The following SPAG17 variants were observed in gnomAD, a reference collection of about 807,000 sequenced individuals.
SPAG17 encodes sperm-associated antigen 17.
Under a neutral mutation model 273.6 loss-of-function variants are expected in SPAG17, and 169 were observed. The ratio of observed to expected loss-of-function variants is 0.62; its 90% CI spans 0.55 to 0.70. The LOEUF is 0.70. Among genes scored for constraint, SPAG17 ranks in the 30% least tolerant of loss-of-function variants. The probability of loss-of-function intolerance (pLI) is 0.00; values close to 1 mark genes in which losing one functional copy is unlikely to be tolerated. For synonymous variants in SPAG17, 825 were observed against 873.2 expected (o/e 0.94, Z 0.97); for missense variants, 2,557 against 2,627.8 (o/e 0.97, Z 0.59).
At chr1:118,133,870 C>T (rs1247604584) in intron 3 of SPAG17, among the ~76,000 whole-genome samples, 2 of 152,194 alleles carry the variant, frequency 1.3e-5, no homozygotes, top group Non-Finnish European at 2.9e-5. Context: ...GAGTCCCTCC[C>T]ATTATCTCAA....
rs1648014162 is a variant in SPAG17, at chr1:118,028,359, C to G, written c.3645G>C (p.Glu1215Asp). ...TCTGGAAGGTGGGAACATCCAAAGT[C>G]TCTTGTAAAACAGGTTCTGGTTCTA... ...EEVEPEPVLQ[E>D]TLDVPTFQSL... The change falls in exon 26 of 49, where the codon GAG (glutamate) becomes GAC (aspartate). Residue 1215 changes from glutamate to aspartate, a missense_variant. By Grantham distance (45) the Glu-to-Asp change is conservative. Transcript: ENST00000336338. 2 of 1,613,754 alleles carry G rather than the reference C, an allele frequency of 1.2e-6. No individual in the cohort carries two copies. Among genetic ancestry groups the G allele is most frequent in the Non-Finnish European group, 1.7e-6 (2 of 1,179,824 alleles).
chr1:118,173,542 G>C (rs1660515016), intron 1 of SPAG17, among the ~76,000 whole-genome samples: 1 of 152,112 alleles, frequency 6.6e-6, no homozygotes, highest in African/African-American at 2.4e-5. Flanking sequence ...GCACACTCAT[G>C]GATGCCTGAG....
In SPAG17 at chr1:118,010,550, T is replaced by C. The variant is rs145133274; in HGVS notation, c.4432+1678A>G. Among the ~76,000 whole-genome samples, 545 of 152,192 alleles carry C rather than the reference T, an allele frequency of 3.6e-3. 2 individuals carry two copies. The highest frequency in any genetic ancestry group is 0.013 in the African/African-American group (520 of 41,536). On this transcript the variant is annotated intron_variant, in intron 30 of 48. Transcript: ENST00000336338. ...AACTGCACCCCTTCCTTACACCATA[T>C]AGAATAATTATCTAAAGATGAATTA...
At chr1:118,133,891 A>C (rs1239432385) in intron 3 of SPAG17, among the ~76,000 whole-genome samples, 1 of 152,240 alleles carries the variant, frequency 6.6e-6, no homozygotes, top group African/African-American at 2.4e-5. Flanking sequence ...GGAGTCTGAA[A>C]ACAAAATTAC....
intron 7 of SPAG17, among the ~76,000 whole-genome samples, chr1:118,095,856 CT>C (rs947147565): frequency 6.6e-6 from 1 of 152,030 alleles, no homozygotes; most frequent in African/African-American, 2.4e-5. Context: ...ACAGTGGGTC[CT>C]TCTCTGAGGT....
At position 117,970,407 on chromosome 1, in the gene SPAG17, G is replaced by T. The variant is rs138963775; in HGVS notation, c.6327-291C>A. Among the ~76,000 whole-genome samples, 444 of 152,316 alleles carry T rather than the reference G, an allele frequency of 2.9e-3. 1 individual carries two copies. The highest frequency in any genetic ancestry group is 9.4e-3 in the African/African-American group (391 of 41,558). ...CCAGGCTTGGGCAGTGGGACTGTTT[G>T]GCTGGTGCGTGCATTTCAGCGTAGC... On this transcript the variant is annotated intron_variant, in intron 45 of 48. Transcript: ENST00000336338.
At chr1:118,079,893 A>G (rs1654399276) in intron 15 of SPAG17, among the ~76,000 whole-genome samples, 1 of 152,030 alleles carries the variant, frequency 6.6e-6, no homozygotes, top group Non-Finnish European at 1.5e-5. Context: ...TTAATATGTT[A>G]AATTTGGTGT....
In SPAG17 at chr1:118,004,022, C is replaced by T. The variant is rs146219600; in HGVS notation, c.4776+1392G>A. ...GGTGTAGATGTCCTTTTTGTTGATG[C>T]TGACACTATTCCTTTCTGTTTGTTA... On this transcript the variant is annotated intron_variant, in intron 32 of 48. Transcript: ENST00000336338. Among the ~76,000 whole-genome samples the T allele has an allele frequency of 1.5e-3, 225 of 151,614 alleles. 1 individual carries two copies. Among genetic ancestry groups the T allele is most frequent in the African/African-American group, 5.2e-3 (213 of 41,294 alleles).
chr1:118,136,042 T>C (rs1193937484), intron 3 of SPAG17, among the ~76,000 whole-genome samples: 1 of 152,210 alleles, frequency 6.6e-6, no homozygotes, highest in African/African-American at 2.4e-5. Context: ...ATTTTCTACA[T>C]GAGCATAGTA....
chr1:117,970,347 T>A (rs1417282641), intron 45 of SPAG17, among the ~76,000 whole-genome samples: 1 of 152,212 alleles, frequency 6.6e-6, no homozygotes, highest in Non-Finnish European at 1.5e-5. Context: ...CCAACCTGAG[T>A]TTCAACCCTT....
intron 1 of SPAG17, among the ~76,000 whole-genome samples, chr1:118,155,867 T>C (rs1330676637): frequency 1.3e-5 from 2 of 152,198 alleles, no homozygotes; most frequent in Non-Finnish European, 2.9e-5. Context: ...AAAAAAGTCT[T>C]GGATCTCCAT....
intron 1 of SPAG17, among the ~76,000 whole-genome samples, chr1:118,155,504 T>C (rs1659606127): frequency 6.6e-6 from 1 of 152,182 alleles, no homozygotes; most frequent in African/African-American, 2.4e-5. Context: ...AGGGCAGGAC[T>C]TGCAAGCCCT....
intron 17 of SPAG17, among the ~76,000 whole-genome samples, chr1:118,069,408 A>AC (rs1653343544): frequency 6.6e-6 from 1 of 150,842 alleles, no homozygotes; most frequent in African/African-American, 2.4e-5. Flanking sequence ...TTGGAGGTAT[A>AC]CCCCTTAAAC....
intron 43 of SPAG17, among the ~76,000 whole-genome samples, chr1:117,979,755 T>C (rs1265513911): frequency 6.6e-6 from 1 of 152,200 alleles, no homozygotes; most frequent in African/African-American, 2.4e-5. Context: ...CTCCTTAATG[T>C]TTCTGCCCCT....
In SPAG17 at chr1:117,983,577, C is replaced by T. The variant is rs368008364; in HGVS notation, c.5872+234G>A. 4.0e-4 allele frequency among the ~76,000 whole-genome samples: 61 copies of T among 152,236 alleles called. 1 individual carries two copies. The South Asian group carries it at 0.012, about 30-fold the overall frequency. Reference sequence around the variant, plus strand: ...CCAGTGAACTTTCATTACTTCCTTGCTTTTTAAATTAGTCAGGTCTCCTAA... The same window carrying T: ...CCAGTGAACTTTCATTACTTCCTTGTTTTTTAAATTAGTCAGGTCTCCTAA... On this transcript the variant is annotated intron_variant, in intron 42 of 48. Coordinates refer to ENST00000336338, the MANE Select transcript of SPAG17 (RefSeq NM_206996.4).
At position 117,990,874 on chromosome 1, in the gene SPAG17, A is replaced by C. The variant is rs747316816; in HGVS notation, c.5508T>G (p.Ser1836Arg). ...AATGCAACTTACCTTCAGTAACATG[A>C]CTTTTTGTAGTTTCCTCCATTTTAG... ...SFPKMEETTK[S>R]HVTEVAAHLT... is the part of the protein sequence containing the mutation. The change falls in exon 38 of 49, where the codon AGT becomes AGG. Residue 1836 changes from serine to arginine, a missense_variant. Coordinates refer to ENST00000336338, the MANE Select transcript of SPAG17 (RefSeq NM_206996.4). The C allele has an allele frequency of 1.3e-6, 2 of 1,573,398 alleles. No individual in the cohort carries two copies. The highest frequency in any genetic ancestry group is 1.7e-6 in the Non-Finnish European group (2 of 1,154,034).
chr1:118,146,798 T>G (rs1157098410), intron 3 of SPAG17, among the ~76,000 whole-genome samples: 1 of 152,214 alleles, frequency 6.6e-6, no homozygotes, highest in Non-Finnish European at 1.5e-5. Flanking sequence ...ACTTCCTACC[T>G]TCTCTATGCC....
Position 118,005,658 on chromosome 1 carries a change from G to A in SPAG17, c.4588-56C>T. 6 of 1,292,556 alleles carry A rather than the reference G, an allele frequency of 4.6e-6. No individual in the cohort carries two copies. The South Asian group carries it at 1.4e-4, about 31-fold the overall frequency. 80.1% of individuals were successfully genotyped at this position (1,292,556 alleles called of 1,614,324 possible). A position where few individuals can be genotyped will look rare whatever the true frequency, so the allele number is the denominator to read the frequency against. On this transcript the variant is annotated intron_variant, in intron 31 of 48. Coordinates refer to ENST00000336338, the MANE Select transcript of SPAG17 (RefSeq NM_206996.4). ...TAAAATTTTCTTGTTAAATATGTGG[G>A]ACTTGGAAAACCATTTTAGGAGAAA...
chr1:118,087,971 C>T (rs1248745766), intron 10 of SPAG17, among the ~76,000 whole-genome samples: 1 of 152,152 alleles, frequency 6.6e-6, no homozygotes, highest in Non-Finnish European at 1.5e-5. Flanking sequence ...GCCAAATGTC[C>T]TCTGGGAACA....
Sources: gnomAD v4.1 joint callset for allele counts (sites outside exome capture counted in the v4.1 genomes callset) on GRCh38, gnomAD v4.1.1 for gene constraint, MANE v1.5 for transcripts, NCBI Gene and HGNC (gene_info 2026-07-23, HGNC 2026-07-21) for gene names.